The following GCN1 variants were observed in gnomAD, a reference collection of about 807,000 sequenced individuals.
GCN1 encodes the protein stalled ribosome sensor GCN1.
GCN1 carries 90 observed loss-of-function variants against 288.4 expected under a neutral mutation model. The observed-to-expected ratio is 0.31, with a 90% confidence interval of 0.26 to 0.37. GCN1 has a LOEUF of 0.37. GCN1 is among the 10% of genes least tolerant of loss of function. The probability of loss-of-function intolerance (pLI) is 1.00; values close to 1 mark genes in which losing one functional copy is unlikely to be tolerated. For missense variants in GCN1, 2,586 were observed against 3,419.9 expected, an observed-to-expected ratio of 0.76 and a Z score of 6.08; for synonymous variants, 1,386 against 1,420.2, an observed-to-expected ratio of 0.98 and a Z score of 0.54.
In GCN1 at chr12:120,164,701, G is replaced by A. The variant is rs1458953617; in HGVS notation, c.1633C>T (p.Leu545=). ...SEDALCTVLH[L]TERLFLDHPH... ...TGGTCAAGGAAAAGTCTCTCTGTCAGATGCAACACAGTACACAGGGCTTGG... is the reference window on the plus strand; with the variant it reads ...TGGTCAAGGAAAAGTCTCTCTGTCAAATGCAACACAGTACACAGGGCTTGG... Residue 545 remains leucine, a synonymous_variant, in exon 17 of 58, where the codon CTG becomes TTG. Coordinates refer to ENST00000300648, the MANE Select transcript of GCN1 (RefSeq NM_006836.2). The A allele has an allele frequency of 1.9e-6, 3 of 1,612,870 alleles. No homozygotes were observed. The South Asian group carries it at 3.3e-5, about 18-fold the overall frequency.
rs766925616 is a variant in GCN1 at position 120,149,603 on chromosome 12, T to C, written c.4546+3A>G. ...GGAAGAGAGGCAGAGCGAGTGGTCT[T>C]ACCAGCTTTGGTCCGCCACGATTCC... On this transcript the variant is annotated splice_donor_region_variant and intron_variant, in intron 36 of 57. Transcript: ENST00000300648. 5.6e-6 allele frequency: 9 copies of C among 1,604,936 alleles called. No homozygotes were observed. The highest frequency in any genetic ancestry group is 7.7e-6 in the Non-Finnish European group (9 of 1,172,078).
Position 120,156,752 on chromosome 12 carries a change from C to A in GCN1, c.3169-148G>T. The A allele has an allele frequency of 1.1e-6, 1 of 932,300 alleles. No individual in the cohort carries two copies. The highest frequency in any genetic ancestry group is 1.7e-6 in the Non-Finnish European group (1 of 596,636). 57.8% of individuals were successfully genotyped at this position (932,300 alleles called of 1,614,324 possible). A position where few individuals can be genotyped will look rare whatever the true frequency, so the allele number is the denominator to read the frequency against. ...GTGGCAGGACCCAAGCAAAACCCCT[C>A]ACTAGCTAACAACAGTCAGGCTGGC... On this transcript the variant is annotated intron_variant, in intron 27 of 57. Coordinates refer to ENST00000300648, the MANE Select transcript of GCN1 (RefSeq NM_006836.2). This position sits in a 1 kb window ranked among gnomAD's most constrained non-coding sequence, Gnocchi z 5.8.
rs757775973 is a variant in GCN1 at position 120,142,959 on chromosome 12, AAC to A, written c.5496-20_5496-19del. ...AGCTGAACCTGAGAAGGAGGCCAAC[AAC>A]ACAGTCACACAGCTGCAAGGAGTGG... On this transcript the variant is annotated intron_variant, in intron 42 of 57. Coordinates refer to ENST00000300648, the MANE Select transcript of GCN1 (RefSeq NM_006836.2). This position sits in a 1 kb window ranked among gnomAD's most constrained non-coding sequence, Gnocchi z 4.9. 28 of 1,469,012 alleles carry A rather than the reference AAC, an allele frequency of 1.9e-5. No individual in the cohort carries two copies. Among genetic ancestry groups the A allele is most frequent in the Non-Finnish European group, 2.7e-5 (28 of 1,047,808 alleles). 91.0% of individuals were successfully genotyped at this position (1,469,012 alleles called of 1,614,324 possible).
intron 54 of GCN1, 140 bp downstream of exon 54, chr12:120,131,786 T>C: frequency 1.6e-6 from 1 of 630,124 alleles, no homozygotes; most frequent in Admixed American, 2.4e-5. Context: ...GCCTGGATTT[T>C]GCTTTAACTG....
intron 1 of GCN1, 92 bp downstream of exon 1, chr12:120,194,588 C>T: frequency 8.5e-7 from 1 of 1,183,020 alleles, no homozygotes. Flanking sequence ...ACCTCCAACG[C>T]CCCTAAGCCG....
At chr12:120,178,131 A>C (rs561596860) in intron 7 of GCN1, among the ~76,000 whole-genome samples, 1 of 152,202 alleles carries the variant, frequency 6.6e-6, no homozygotes, top group East Asian at 1.9e-4. Context: ...CTTCACTCTC[A>C]AAGTTCCTTC....
chr12:120,156,536 T>C lies in GCN1; in HGVS notation c.3237A>G (p.Ala1079=), dbSNP rs150553415. The C allele has an allele frequency of 9.7e-4, 1,562 of 1,613,992 alleles. 1 individual carries two copies. The highest frequency in any genetic ancestry group is 1.2e-3 in the Non-Finnish European group (1,470 of 1,179,956). ...SSSGDDGCAF[A]EQEEVDVLLC... is the part of the protein sequence containing the mutation. ...GCAGCACGTCCACCTCCTCCTGCTC[T>C]GCAAAGGCACAGCCATCATCACCAC... The change falls in exon 28 of 58, where the codon GCA becomes GCG. Residue 1079 remains alanine (A), a synonymous_variant. Transcript: ENST00000300648. The surrounding 1 kb of genome is among the most constrained non-coding windows in gnomAD (Gnocchi z 5.8).
intron 16 of GCN1, among the ~76,000 whole-genome samples, chr12:120,166,227 AC>A (rs1878118873): frequency 6.7e-6 from 1 of 150,310 alleles, no homozygotes; most frequent in African/African-American, 2.5e-5. Flanking sequence ...ACATAGTAAA[AC>A]CCCGTCTGTA....
intron 19 of GCN1, 39 bp from the exon 20 acceptor site, chr12:120,163,010 C>T (rs372888622): frequency 9.9e-6 from 16 of 1,613,594 alleles, no homozygotes; most frequent in Non-Finnish European, 1.2e-5. Flanking sequence ...TTCTGCCTGG[C>T]CTGCTCTTAC....
intron 15 of GCN1, among the ~76,000 whole-genome samples, chr12:120,169,738 G>A (rs1399329115): frequency 1.3e-5 from 2 of 152,172 alleles, no homozygotes; most frequent in African/African-American, 2.4e-5. Flanking sequence ...TCTTGACTTC[G>A]TGATCCGCCT....
chr12:120,178,569 G>T, intron 7 of GCN1, 56 bp downstream of exon 7: 1 of 1,588,560 alleles, frequency 6.3e-7, no homozygotes, highest in Non-Finnish European at 8.6e-7. Flanking sequence ...TCCCTCCAGC[G>T]AGCTCCCAAC....
At chr12:120,149,099 G>GA (rs1224164891) in intron 36 of GCN1, among the ~76,000 whole-genome samples, 6 of 151,764 alleles carry the variant, frequency 4.0e-5, no homozygotes, top group African/African-American at 1.5e-4. Flanking sequence ...AGCTTTCCTG[G>GA]GGGGGGAAAA....
chr12:120,176,775 T>C (rs934394553), intron 9 of GCN1, among the ~76,000 whole-genome samples: 1 of 151,532 alleles, frequency 6.6e-6, no homozygotes, highest in African/African-American at 2.4e-5. Flanking sequence ...TTTTTCTCTT[T>C]CTTTTTTTTT....
rs955604600 is a variant in GCN1, at chr12:120,134,135, G to T, written c.7317+156C>A. Among the ~76,000 whole-genome samples the T allele has an allele frequency of 4.1e-4, 63 of 152,122 alleles. No individual in the cohort carries two copies. The highest frequency in any genetic ancestry group is 1.4e-3 in the African/African-American group (57 of 41,422). ...CTGCCCCGTTTCCCTTGAAACCCGAGGAAATGTTGGTGAAGCATACAGGGT... is the reference window on the plus strand; with the variant it reads ...CTGCCCCGTTTCCCTTGAAACCCGATGAAATGTTGGTGAAGCATACAGGGT... On this transcript the variant is annotated intron_variant, in intron 53 of 57. Coordinates refer to ENST00000300648, the MANE Select transcript of GCN1 (RefSeq NM_006836.2). This position sits in a 1 kb window ranked among gnomAD's most constrained non-coding sequence, Gnocchi z 5.0.
At chr12:120,169,959 C>A (rs1004558486) in intron 15 of GCN1, among the ~76,000 whole-genome samples, 2 of 152,200 alleles carry the variant, frequency 1.3e-5, no homozygotes, top group African/African-American at 4.8e-5. Context: ...AGCACTGGAG[C>A]AACAGAATGA....
chr12:120,188,439 A>AG (rs1245252918), intron 2 of GCN1, among the ~76,000 whole-genome samples: 71 of 124,886 alleles, frequency 5.7e-4, no homozygotes, highest in South Asian at 1.6e-3. Context: ...GTCTCACCAA[A>AG]GAAAAAAAAA....
chr12:120,142,585 G>GC lies in GCN1; in HGVS notation c.5750dup (p.Thr1918HisfsTer4). ...GAGTGGGTAGGATCTCACGCAAGGTGCGGGGGGTATTGGAGACAACAATCT... is the reference window on the plus strand; with the variant it reads ...GAGTGGGTAGGATCTCACGCAAGGTGCCGGGGGGTATTGGAGACAACAATCT... On this transcript the variant is annotated frameshift_variant, in exon 44 of 58. Coordinates refer to ENST00000300648, the MANE Select transcript of GCN1 (RefSeq NM_006836.2). LOFTEE classifies it high-confidence loss of function. This position sits in a 1 kb window ranked among gnomAD's most constrained non-coding sequence, Gnocchi z 4.9. The GC allele has an allele frequency of 6.2e-7, 1 of 1,614,074 alleles. No individual in the cohort carries two copies. Among genetic ancestry groups the GC allele is most frequent in the Non-Finnish European group, 8.5e-7 (1 of 1,180,032 alleles).
In GCN1 at chr12:120,160,260, A is replaced by G; in HGVS notation, c.2437-5T>C. ...GCCTTTCTTCTTCTTTATCTCCTAAAGAGGATGGGCAAACCAACCAATCCC... is the reference window on the plus strand; with the variant it reads ...GCCTTTCTTCTTCTTTATCTCCTAAGGAGGATGGGCAAACCAACCAATCCC... On this transcript the variant is annotated splice_region_variant and splice_polypyrimidine_tract_variant and intron_variant, in intron 22 of 57. Transcript: ENST00000300648. 1.2e-6 allele frequency: 2 copies of G among 1,603,772 alleles called. No individual in the cohort carries two copies. The highest frequency in any genetic ancestry group is 2.2e-5 in the South Asian group (2 of 90,930).
At chr12:120,187,902 CAA>C (rs1566321769) in intron 2 of GCN1, among the ~76,000 whole-genome samples, 2 of 139,350 alleles carry the variant, frequency 1.4e-5, no homozygotes, top group African/African-American at 5.4e-5. Flanking sequence ...AAAAAAAAAA[CAA>C]AAAACTAGAA....
Sources: allele counts gnomAD v4.1 joint callset (sites outside exome capture counted in the v4.1 genomes callset), GRCh38; gene constraint gnomAD v4.1.1; non-coding constraint Gnocchi (gnomAD v3.1); transcripts MANE v1.5; gene names NCBI Gene and HGNC (gene_info 2026-07-23, HGNC 2026-07-21).